The following WASHC2A variants were observed in gnomAD, a reference collection of about 807,000 sequenced individuals.
WASHC2A encodes WASH complex subunit FAM21A.
A neutral mutation model predicts 140.3 loss-of-function variants in WASHC2A; 82 were observed. The ratio of observed to expected loss-of-function variants is 0.58; its 90% CI spans 0.49 to 0.70. The LOEUF (loss-of-function observed/expected upper bound fraction) is 0.70, where lower values mean the gene tolerates loss of function less well. WASHC2A is among the 30% of genes least tolerant of loss of function. The pLI is 0.00. For missense variants in WASHC2A, 985 were observed against 1,521.8 expected, an observed-to-expected ratio of 0.65 and a Z score of 5.87; for synonymous variants, 340 against 560.8, an observed-to-expected ratio of 0.61 and a Z score of 5.56.
chr10:50,077,638 ACTT>A (rs1554878444), intron 3 of WASHC2A, among the ~76,000 whole-genome samples: 1 of 151,926 alleles, frequency 6.6e-6, no homozygotes, highest in Admixed American at 6.6e-5. Context: ...ATTTATATTG[ACTT>A]CTTATTTCTT....
intron 4 of WASHC2A, among the ~76,000 whole-genome samples, chr10:50,079,914 C>A (rs1838740179): frequency 6.6e-6 from 1 of 151,006 alleles, no homozygotes. Flanking sequence ...AATACACAAC[C>A]AAGACAAAAA....
At chr10:50,111,710 A>G (rs2132889661) in intron 20 of WASHC2A, among the ~76,000 whole-genome samples, 1 of 152,204 alleles carries the variant, frequency 6.6e-6, no homozygotes, top group South Asian at 2.1e-4. Flanking sequence ...CCTTCTTTCA[A>G]AACTAAGTGT....
At position 50,093,126 on chromosome 10, in the gene WASHC2A, T is replaced by A. The variant is rs1169548627; in HGVS notation, c.1004-142T>A. ...CTGTGCCAGGGGTTTAGTGTGAAAT[T>A]CATCAGACTGCCTCACACTTTGTTA... On this transcript the variant is annotated intron_variant, in intron 11 of 30. Coordinates refer to ENST00000282633, the MANE Select transcript of WASHC2A (RefSeq NM_001005751.3). 934 of 455,898 alleles carry A rather than the reference T, an allele frequency of 2.0e-3. 12 individuals carry two copies. Among genetic ancestry groups the A allele is most frequent in the African/African-American group, 0.018 (822 of 45,510 alleles). The allele number at this position is 455,898 out of a possible 1,614,324, so 28.2% of individuals were successfully genotyped here. A position where few individuals can be genotyped will look rare whatever the true frequency, so the allele number is the denominator to read the frequency against.
chr10:50,126,037 G>T lies in WASHC2A; in HGVS notation c.2689-20G>T. The T allele has an allele frequency of 1.2e-6, 2 of 1,611,374 alleles. No individual in the cohort carries two copies. Among genetic ancestry groups the T allele is most frequent in the South Asian group, 1.1e-5 (1 of 90,100 alleles). ...TTCTAAGATATTTGATGGCTTTTTGGTATTTTTTTTCTTTTGAAGGTACAA... is the reference window on the plus strand; with the variant it reads ...TTCTAAGATATTTGATGGCTTTTTGTTATTTTTTTTCTTTTGAAGGTACAA... On this transcript the variant is annotated intron_variant, in intron 25 of 30. Coordinates refer to ENST00000282633, the MANE Select transcript of WASHC2A (RefSeq NM_001005751.3).
intron 4 of WASHC2A, among the ~76,000 whole-genome samples, chr10:50,080,028 C>T (rs1554879333): frequency 6.6e-6 from 1 of 151,328 alleles, no homozygotes; most frequent in Admixed American, 6.6e-5. Flanking sequence ...GGTTTGGTTC[C>T]TTCTAGAATA....
chr10:50,075,007 T>A (rs1472092236), intron 3 of WASHC2A, among the ~76,000 whole-genome samples: 3 of 152,072 alleles, frequency 2.0e-5, no homozygotes, highest in Non-Finnish European at 2.9e-5. Flanking sequence ...TTCAGTGTAT[T>A]TTTTTCTGTT....
Position 50,131,066 on chromosome 10 carries a change from G to C in WASHC2A, c.3874G>C (p.Asp1292His). 1 of 1,611,884 alleles carries C rather than the reference G, an allele frequency of 6.2e-7. No homozygotes were observed. The highest frequency in any genetic ancestry group is 8.5e-7 in the Non-Finnish European group (1 of 1,179,806). The change falls in exon 30 of 31, where the codon GAT becomes CAT. Residue 1292 changes from aspartate (D) to histidine (H), a missense_variant. Transcript: ENST00000282633. ...GAAAGTGGAAGCCAAGTCTATATTT[G>C]ATGATGATATGGGTAAGTTTGGTTT... is the stretch of plus-strand genomic sequence containing the variant. ...KKKVEAKSIF[D>H]DDMDDIFSSG...
chr10:50,075,090 C>CT (rs1326847443), intron 3 of WASHC2A, among the ~76,000 whole-genome samples: 1 of 151,892 alleles, frequency 6.6e-6, no homozygotes. Context: ...TTGCAGCCTA[C>CT]TTTTTTTCTT....
At chr10:50,121,395 C>CTT (rs879039985) in intron 23 of WASHC2A, among the ~76,000 whole-genome samples, 1 of 132,538 alleles carries the variant, frequency 7.5e-6, no homozygotes, top group African/African-American at 3.0e-5. Context: ...TAGTAACTTT[C>CTT]TTTTTTTTTT....
intron 2 of WASHC2A, 40 bp downstream of exon 2, chr10:50,068,267 G>A (rs1212713706): frequency 8.5e-6 from 13 of 1,526,562 alleles, no homozygotes; most frequent in South Asian, 1.2e-5. Flanking sequence ...CGGCAGGGGT[G>A]ACGCTTGGCT....
intron 21 of WASHC2A, among the ~76,000 whole-genome samples, chr10:50,115,420 C>T (rs1271357128): frequency 1.9e-5 from 2 of 106,916 alleles, no homozygotes; most frequent in Non-Finnish European, 2.0e-5. Flanking sequence ...ACACGAGACA[C>T]AGCATTTATA....
rs1322639180 is a variant in WASHC2A at position 50,091,405 on chromosome 10, G to A, written c.844-26G>A. On this transcript the variant is annotated intron_variant, in intron 9 of 30. Coordinates refer to ENST00000282633, the MANE Select transcript of WASHC2A (RefSeq NM_001005751.3). Reference sequence around the variant, plus strand: ...GTGTACTAGTTTGTTACAAAAAAGCGATTCTTTTGATTTCTCCTGCTGTAG... The same window carrying A: ...GTGTACTAGTTTGTTACAAAAAAGCAATTCTTTTGATTTCTCCTGCTGTAG... The A allele has an allele frequency of 7.1e-6, 11 of 1,548,598 alleles. No individual in the cohort carries two copies. The Admixed American group carries it at 9.8e-5, about 14-fold the overall frequency.
chr10:50,087,173 C>G (rs1283757095), intron 7 of WASHC2A, 102 bp from the exon 8 acceptor site: 192 of 1,509,412 alleles, frequency 1.3e-4, no homozygotes, highest in Non-Finnish European at 1.7e-4. Context: ...TTTTTCTCCA[C>G]TTGACATAGA....
At chr10:50,081,159 C>G (rs1390213444) in intron 5 of WASHC2A, among the ~76,000 whole-genome samples, 8 of 147,424 alleles carry the variant, frequency 5.4e-5, no homozygotes, top group Non-Finnish European at 1.0e-4. Context: ...AGAGCATGGC[C>G]TCTACTCTCG....
chr10:50,099,715 A>T (rs1189492697), intron 16 of WASHC2A, among the ~76,000 whole-genome samples: 4 of 135,966 alleles, frequency 2.9e-5, no homozygotes, highest in African/African-American at 1.1e-4. Flanking sequence ...CTGTCTTTCC[A>T]TGCTGTCTCT....
At chr10:50,112,490 G>A (rs1352479610) in intron 20 of WASHC2A, 1 of 110,458 alleles carries the variant, frequency 9.1e-6, no homozygotes, top group African/African-American at 3.4e-5. Flanking sequence ...AAGTAGTTTG[G>A]CATTTCCTCA....
chr10:50,109,752 A>G (rs1227223405), intron 19 of WASHC2A, among the ~76,000 whole-genome samples: 1 of 152,174 alleles, frequency 6.6e-6, no homozygotes, highest in Non-Finnish European at 1.5e-5. Flanking sequence ...CATGTTTTAT[A>G]ATCTAAATTG....
At chr10:50,110,645 C>T (rs1231158938) in intron 20 of WASHC2A, among the ~76,000 whole-genome samples, 2 of 152,118 alleles carry the variant, frequency 1.3e-5, no homozygotes, top group African/African-American at 2.4e-5. Flanking sequence ...GTAATCCCAG[C>T]ACTTTGGGAG....
chr10:50,109,869 A>C (rs1342450545), intron 19 of WASHC2A, among the ~76,000 whole-genome samples: 2 of 151,800 alleles, frequency 1.3e-5, no homozygotes, highest in Non-Finnish European at 2.9e-5. Context: ...TCCTGGGTTC[A>C]CTCCATTCTC....
Sources: allele counts gnomAD v4.1 joint callset (sites outside exome capture counted in the v4.1 genomes callset), GRCh38; gene constraint gnomAD v4.1.1; transcripts MANE v1.5; gene names NCBI Gene and HGNC (gene_info 2026-07-23, HGNC 2026-07-21).